SOX13: variants seen among roughly 807,000 people sequenced by gnomAD.
The protein encoded by SOX13 is SRY-box transcription factor 13.
SOX13 carries 28 observed loss-of-function variants against 71.8 expected under a neutral mutation model. The observed-to-expected ratio is 0.39, with a 90% CI of 0.29 to 0.53. The LOEUF is 0.53. SOX13 is among the 20% of genes least tolerant of loss of function. The pLI is 0.70. For synonymous variants in SOX13, 309 were observed against 317.8 expected (o/e 0.97, Z 0.29); for missense variants, 627 against 810.3 (o/e 0.77, Z 2.75).
At chr1:204,086,123 G>A (rs1486102606) in intron 1 of SOX13, among the ~76,000 whole-genome samples, 1 of 152,248 alleles carries the variant, frequency 6.6e-6, no homozygotes, top group Non-Finnish European at 1.5e-5. Flanking sequence ...CCTGGGCCAG[G>A]TGTGGAGGGC....
In SOX13 at chr1:204,120,987, T is replaced by C. The variant is rs1449382696; in HGVS notation, c.776-913T>C. Among the ~76,000 whole-genome samples the C allele has an allele frequency of 3.3e-5, 5 of 151,582 alleles. No individual in the cohort carries two copies. In the East Asian group the frequency reaches 5.8e-4, roughly 18 times the overall value. ...AGTTTTGAAAATTTTAAATTCTTTT[T>C]TTTTTTTTTTGAAACAGAGTCTCGC... On this transcript the variant is annotated intron_variant, in intron 7 of 13. Coordinates refer to ENST00000367204, the MANE Select transcript of SOX13 (RefSeq NM_005686.3).
At chr1:204,106,792 A>G (rs1656479709) in intron 1 of SOX13, among the ~76,000 whole-genome samples, 1 of 152,198 alleles carries the variant, frequency 6.6e-6, no homozygotes. Context: ...GCCGTGAGCC[A>G]TCGCGCCCAG....
At chr1:204,115,513 A>AT (rs1553298429) in intron 4 of SOX13, among the ~76,000 whole-genome samples, 2 of 141,118 alleles carry the variant, frequency 1.4e-5, no homozygotes, top group East Asian at 2.1e-4. Context: ...AAAAAAAAAA[A>AT]GGTCTATGGC....
Position 204,107,661 on chromosome 1 carries a change from G to T in SOX13, c.-1-5254G>T, listed in dbSNP as rs1467968602. 2.0e-5 allele frequency among the ~76,000 whole-genome samples: 3 copies of T among 152,114 alleles called. No individual in the cohort carries two copies. In the East Asian group the frequency reaches 5.8e-4, roughly 29 times the overall value. ...AAGCAGGCCTGTGCTTGGGGAGGGG[G>T]AGAGGGAGGTAAAAGAGGTACCCAG... On this transcript the variant is annotated intron_variant, in intron 1 of 13. Coordinates refer to ENST00000367204, the MANE Select transcript of SOX13 (RefSeq NM_005686.3).
intron 4 of SOX13, among the ~76,000 whole-genome samples, chr1:204,115,657 CTTTTTTTTTTT>C (rs771014997): frequency 5.2e-5 from 3 of 57,382 alleles, no homozygotes; most frequent in Non-Finnish European, 9.1e-5. Context: ...GCTTCTTCTT[CTTTTTTTTTTT>C]TTTTTTTTTT....
chr1:204,106,428 AC>A (rs1297285644), intron 1 of SOX13, among the ~76,000 whole-genome samples: 1 of 152,074 alleles, frequency 6.6e-6, no homozygotes, highest in Non-Finnish European at 1.5e-5. Flanking sequence ...TCGAGCACTT[AC>A]TGTGTTTCAG....
At chr1:204,088,465 A>G (rs1026506766) in intron 1 of SOX13, among the ~76,000 whole-genome samples, 1 of 152,218 alleles carries the variant, frequency 6.6e-6, no homozygotes, top group East Asian at 1.9e-4. Context: ...TGGCATTTGC[A>G]TATAACCAGT....
intron 1 of SOX13, among the ~76,000 whole-genome samples, chr1:204,103,593 A>G (rs368087656): frequency 7.2e-4 from 109 of 152,360 alleles, no homozygotes; most frequent in African/African-American, 2.5e-3. Context: ...TCCTTTGGTC[A>G]GTATTCAGGG....
chr1:204,099,813 C>T (rs532870967), intron 1 of SOX13, among the ~76,000 whole-genome samples: 40 of 152,112 alleles, frequency 2.6e-4, no homozygotes, highest in South Asian at 4.1e-4. Flanking sequence ...AAAAGTGATT[C>T]GAACAGTGCT....
At position 204,087,015 on chromosome 1, in the gene SOX13, C is replaced by T. The variant is rs571187568; in HGVS notation, c.-2+13304C>T. Among the ~76,000 whole-genome samples, 1,296 of 152,074 alleles carry T rather than the reference C, an allele frequency of 8.5e-3. 18 individuals are homozygous for T. The highest frequency in any genetic ancestry group is 0.03 in the African/African-American group (1,243 of 41,444). On this transcript the variant is annotated intron_variant, in intron 1 of 13. Transcript: ENST00000367204. Reference sequence around the variant, plus strand: ...TTGGCGCACTGCAAGTTCTGCCTCCCGGGTTCACGCCATTCTCCTACCTCA... The same window carrying T: ...TTGGCGCACTGCAAGTTCTGCCTCCTGGGTTCACGCCATTCTCCTACCTCA...
At position 204,124,625 on chromosome 1, in the gene SOX13, T is replaced by C. The variant is rs1265447718; in HGVS notation, c.1376-16T>C. On this transcript the variant is annotated splice_polypyrimidine_tract_variant and intron_variant, in intron 12 of 13. Coordinates refer to ENST00000367204, the MANE Select transcript of SOX13 (RefSeq NM_005686.3). ...GAGCCCAGCACTGACTGCCTGCCCC[T>C]GGGGGGTTGGGTCAGGATCTCGCTG... 6.3e-7 allele frequency: 1 copy of C among 1,597,712 alleles called. No homozygotes were observed. Among genetic ancestry groups the C allele is most frequent in the Admixed American group, 1.7e-5 (1 of 57,754 alleles).
At chr1:204,106,833 TATC>T (rs372856692) in intron 1 of SOX13, among the ~76,000 whole-genome samples, 2,417 of 152,338 alleles carry the variant, frequency 0.016, 69 homozygotes, top group African/African-American at 0.055. Context: ...CGTGTAAAGG[TATC>T]ATTACCAATT....
intron 1 of SOX13, among the ~76,000 whole-genome samples, chr1:204,080,222 C>T (rs1320420697): frequency 6.6e-6 from 1 of 152,214 alleles, no homozygotes; most frequent in Non-Finnish European, 1.5e-5. Flanking sequence ...ACTCTCCCCC[C>T]AGCGGTGGCC....
chr1:204,116,755 G>C, intron 5 of SOX13, 76 bp downstream of exon 5: 1 of 1,579,870 alleles, frequency 6.3e-7, no homozygotes, highest in Non-Finnish European at 8.6e-7. Context: ...GCTGCCTTAG[G>C]GACAGGCCTC....
At chr1:204,086,908 A>ACAAT (rs1272593917) in intron 1 of SOX13, among the ~76,000 whole-genome samples, 1 of 135,876 alleles carries the variant, frequency 7.4e-6, no homozygotes, top group Non-Finnish European at 1.5e-5. Context: ...TAACAAGGAG[A>ACAAT]CAATGGTCTT....
rs890387058 is a variant in SOX13, at chr1:204,108,403, C to G, written c.-1-4512C>G. Among the ~76,000 whole-genome samples the G allele has an allele frequency of 1.1e-4, 17 of 152,300 alleles. 1 individual carries two copies. In the East Asian group the frequency reaches 2.5e-3, roughly 22 times the overall value. On this transcript the variant is annotated intron_variant, in intron 1 of 13. Coordinates refer to ENST00000367204, the MANE Select transcript of SOX13 (RefSeq NM_005686.3). The stretch of plus-strand genomic sequence containing the variant: ...GGCTGCAATCTTGGGCCGTGCAGTC[C>G]TAGGGTTAATTAGGACAGATGATGG...
rs1656801148 is a variant in SOX13, at chr1:204,121,356, G to A, written c.776-544G>A. On this transcript the variant is annotated intron_variant, in intron 7 of 13. Coordinates refer to ENST00000367204, the MANE Select transcript of SOX13 (RefSeq NM_005686.3). The stretch of plus-strand genomic sequence containing the variant: ...ATTGGTCTTGAACTCTTGGCCTCAA[G>A]CAGTCTTTCTGCCTCAGCCTCCCAA... 2.0e-5 allele frequency among the ~76,000 whole-genome samples: 3 copies of A among 152,198 alleles called. No homozygotes were observed. In the South Asian group the frequency reaches 6.2e-4, roughly 32 times the overall value.
chr1:204,074,439 G>T (rs1404898862), intron 1 of SOX13: 4 of 152,024 alleles, frequency 2.6e-5, no homozygotes, highest in Non-Finnish European at 5.9e-5. Flanking sequence ...GCGCCTAGGG[G>T]TAGGGAGATG....
At position 204,081,704 on chromosome 1, in the gene SOX13, G is replaced by A. The variant is rs926663927; in HGVS notation, c.-2+7993G>A. Among the ~76,000 whole-genome samples, 3 of 152,192 alleles carry A rather than the reference G, an allele frequency of 2.0e-5. No individual in the cohort carries two copies. Among genetic ancestry groups the A allele is most frequent in the Non-Finnish European group, 4.4e-5 (3 of 68,036 alleles). ...GGACCTGGCACTCCTCAGAGTGGAG[G>A]GTGAGGAGGGTTTTCTGTCTTAGCC... On this transcript the variant is annotated intron_variant, in intron 1 of 13. Transcript: ENST00000367204. This position sits in a 1 kb window ranked among gnomAD's most constrained non-coding sequence, Gnocchi z 4.3.
Sources: gnomAD v4.1 joint callset for allele counts (sites outside exome capture counted in the v4.1 genomes callset) on GRCh38, gnomAD v4.1.1 for gene constraint, Gnocchi (gnomAD v3.1) non-coding constraint, MANE v1.5 for transcripts, NCBI Gene and HGNC (gene_info 2026-07-23, HGNC 2026-07-21) for gene names.